The following MDGA2 variants were observed in gnomAD, a reference collection of about 807,000 sequenced individuals.
The protein encoded by MDGA2 is MAM domain-containing glycosylphosphatidylinositol anchor protein 2.
Under a neutral mutation model 117.8 loss-of-function variants are expected in MDGA2, and 40 were observed. The observed-to-expected ratio is 0.34, with a 90% CI of 0.26 to 0.44. MDGA2 has a LOEUF of 0.44. Among genes scored for constraint, MDGA2 ranks in the 20% least tolerant of loss-of-function variants. MDGA2 has a pLI of 1.00. For synonymous variants in MDGA2, 452 were observed against 439.0 expected (o/e 1.03, Z -0.37); for missense variants, 1,123 against 1,250.6 (o/e 0.90, Z 1.54).
At chr14:47,168,601 T>C (rs1883987939) in intron 3 of MDGA2, among the ~76,000 whole-genome samples, 1 of 152,038 alleles carries the variant, frequency 6.6e-6, no homozygotes, top group South Asian at 2.1e-4. Context: ...TATTACATAA[T>C]TCAGAATCTA....
At chr14:47,481,444 G>A (rs956489348) in intron 1 of MDGA2, among the ~76,000 whole-genome samples, 5 of 151,926 alleles carry the variant, frequency 3.3e-5, no homozygotes, top group African/African-American at 7.2e-5. Context: ...TATTAATAGC[G>A]AAGAGGAATG....
intron 10 of MDGA2, among the ~76,000 whole-genome samples, chr14:46,909,858 T>C (rs1163138218): frequency 6.6e-6 from 1 of 152,098 alleles, no homozygotes; most frequent in East Asian, 1.9e-4. Flanking sequence ...TATGGAACTC[T>C]AAAGGAAAAG....
At chr14:47,189,554 C>A (rs1885034854) in intron 3 of MDGA2, among the ~76,000 whole-genome samples, 1 of 152,044 alleles carries the variant, frequency 6.6e-6, no homozygotes. Flanking sequence ...ATTCTGAATC[C>A]ATTTACTTTT....
chr14:47,079,867 G>T (rs1003698786), intron 6 of MDGA2, among the ~76,000 whole-genome samples: 1 of 151,302 alleles, frequency 6.6e-6, no homozygotes, highest in Admixed American at 6.6e-5. Flanking sequence ...GAGTAGCTGG[G>T]ACTACAGGCG....
intron 6 of MDGA2, among the ~76,000 whole-genome samples, chr14:47,073,434 T>C (rs556618246): frequency 1.6e-4 from 25 of 152,324 alleles, no homozygotes; most frequent in African/African-American, 5.5e-4. Flanking sequence ...AAGCATACAA[T>C]TGATCCATGA....
At chr14:47,137,866 C>G (rs1378403351) in intron 4 of MDGA2, among the ~76,000 whole-genome samples, 2 of 152,042 alleles carry the variant, frequency 1.3e-5, no homozygotes, top group Non-Finnish European at 2.9e-5. Flanking sequence ...AGTCAGAAAA[C>G]AAGATACCAA....
chr14:47,605,973 T>C (rs981077887), intron 1 of MDGA2, among the ~76,000 whole-genome samples: 7 of 152,192 alleles, frequency 4.6e-5, no homozygotes, highest in Admixed American at 3.3e-4. Flanking sequence ...TTCATGGTGC[T>C]GAATCAAAGA....
Position 47,096,995 on chromosome 14 carries a change from T to C in MDGA2, c.1054A>G (p.Thr352Ala), listed in dbSNP as rs1393590834. 2.5e-6 allele frequency: 4 copies of C among 1,613,240 alleles called. No individual in the cohort carries two copies. The highest frequency in any genetic ancestry group is 3.4e-6 in the Non-Finnish European group (4 of 1,179,494). Residue 352 changes from threonine (T) to alanine (A), a missense_variant, in exon 6 of 17, where the codon ACT (threonine) becomes GCT (alanine). Coordinates refer to ENST00000399232, the MANE Select transcript of MDGA2 (RefSeq NM_001113498.3). Reference sequence around the variant, plus strand: ...TTCAAAACAGTCTTTTCAGGCAGAGTCCCAAAGGACCTGACCCAGGTGAGA... The same window carrying C: ...TTCAAAACAGTCTTTTCAGGCAGAGCCCCAAAGGACCTGACCCAGGTGAGA... ...PSLTWVRSFG[T>A]LPEKTVLNGG... is the part of the protein sequence containing the mutation.
At chr14:47,416,172 G>A (rs919088421) in intron 1 of MDGA2, among the ~76,000 whole-genome samples, 8 of 152,108 alleles carry the variant, frequency 5.3e-5, no homozygotes, top group Non-Finnish European at 2.9e-5. Flanking sequence ...TGGATGAGAC[G>A]AAAGGTATAC....
chr14:47,574,412 C>T (rs571180524), intron 1 of MDGA2, among the ~76,000 whole-genome samples: 1 of 152,324 alleles, frequency 6.6e-6, no homozygotes, highest in African/African-American at 2.4e-5. Flanking sequence ...TGCTTTGTCC[C>T]TGGCTTCCCT....
intron 1 of MDGA2, among the ~76,000 whole-genome samples, chr14:47,586,044 T>C (rs1314269079): frequency 6.6e-6 from 1 of 151,934 alleles, no homozygotes; most frequent in Non-Finnish European, 1.5e-5. Context: ...TGATGTCTGT[T>C]ACCAGAACGG....
chr14:47,574,013 CTT>C (rs1849118295), intron 1 of MDGA2, among the ~76,000 whole-genome samples: 1 of 152,016 alleles, frequency 6.6e-6, no homozygotes, highest in African/African-American at 2.4e-5. Flanking sequence ...TCTCTTTTCT[CTT>C]TGTTATGCTG....
intron 1 of MDGA2, among the ~76,000 whole-genome samples, chr14:47,422,884 C>T (rs971942838): frequency 1.2e-4 from 18 of 151,800 alleles, no homozygotes; most frequent in African/African-American, 3.9e-4. Flanking sequence ...AACATATGAT[C>T]GATAAATAGA....
chr14:46,905,198 T>G (rs1032478453), intron 10 of MDGA2, among the ~76,000 whole-genome samples: 1 of 152,190 alleles, frequency 6.6e-6, no homozygotes, highest in African/African-American at 2.4e-5. Flanking sequence ...AAAACTCATT[T>G]TATACAAGAA....
chr14:47,595,404 G>T (rs1896519349), intron 1 of MDGA2, among the ~76,000 whole-genome samples: 1 of 151,600 alleles, frequency 6.6e-6, no homozygotes, highest in Non-Finnish European at 1.5e-5. Flanking sequence ...CACGGTGGTG[G>T]GCGCCTGTAA....
At chr14:47,585,700 T>C (rs1896311299) in intron 1 of MDGA2, among the ~76,000 whole-genome samples, 2 of 151,254 alleles carry the variant, frequency 1.3e-5, no homozygotes, top group Non-Finnish European at 3.0e-5. Context: ...TCTCTTTCAC[T>C]TTCAGACTCG....
At chr14:47,132,640 C>G (rs1882260832) in intron 4 of MDGA2, among the ~76,000 whole-genome samples, 1 of 151,846 alleles carries the variant, frequency 6.6e-6, no homozygotes, top group Non-Finnish European at 1.5e-5. Flanking sequence ...GTCTCCTGCC[C>G]AATTCAAATT....
chr14:47,407,829 C>T (rs913611291), intron 1 of MDGA2, among the ~76,000 whole-genome samples: 43 of 152,034 alleles, frequency 2.8e-4, no homozygotes, highest in African/African-American at 9.4e-4. Context: ...CTTCAGACAC[C>T]GAATACATTA....
Position 46,873,493 on chromosome 14 carries a change from C to T in MDGA2, c.2692G>A (p.Gly898Arg). Residue 898 changes from glycine (G) to arginine (R), a missense_variant, in exon 14 of 17, where the codon GGA (glycine) becomes AGA (arginine). Around this residue, in one of 2 missense-constraint regions of MDGA2, gnomAD observed 890 missense variants for 1,050.3 expected, o/e 0.85. Transcript: ENST00000399232. ...AAACAATATGCAGTGTTTGTGGGTC[C>T]ATAAGGGTTTTTGGGAGCTATGCTG... is the stretch of plus-strand genomic sequence containing the variant. Reference protein sequence around the residue: ...VFSIAPKNPYGPTNTAYCFSF... With the variant: ...VFSIAPKNPYRPTNTAYCFSF... The T allele has an allele frequency of 6.2e-7, 1 of 1,612,478 alleles. No homozygotes were observed. Among genetic ancestry groups the T allele is most frequent in the Non-Finnish European group, 8.5e-7 (1 of 1,179,034 alleles).
Sources: gnomAD v4.1 joint callset for allele counts (sites outside exome capture counted in the v4.1 genomes callset) on GRCh38, gnomAD v4.1.1 for gene constraint, gnomAD v4.1.1 regional missense constraint, MANE v1.5 for transcripts, NCBI Gene and HGNC (gene_info 2026-07-23, HGNC 2026-07-21) for gene names.